GRIN2A: variants seen among roughly 807,000 people sequenced by gnomAD.
GRIN2A encodes glutamate ionotropic receptor NMDA type subunit 2A.
A neutral mutation model predicts 113.4 loss-of-function variants in GRIN2A; 22 were observed. That is an observed-to-expected ratio of 0.19 (90% CI 0.14 to 0.28). The LOEUF (loss-of-function observed/expected upper bound fraction) is 0.28, where lower values mean the gene tolerates loss of function less well. Ranked by LOEUF, GRIN2A falls within the 10% of genes least tolerant of loss-of-function variation. The probability of loss-of-function intolerance (pLI) is 1.00; values close to 1 mark genes in which losing one functional copy is unlikely to be tolerated. For synonymous variants in GRIN2A, 827 were observed against 738.4 expected (o/e 1.12, Z -1.94); for missense variants, 1,502 against 1,887.0 (o/e 0.80, Z 3.78).
At chr16:9,843,064 G>A (rs1211555661) in intron 5 of GRIN2A, among the ~76,000 whole-genome samples, 1 of 151,254 alleles carries the variant, frequency 6.6e-6, no homozygotes, top group Non-Finnish European at 1.5e-5. Flanking sequence ...GAGAGAAAGA[G>A]AGGGAGGGAG....
Position 9,757,151 on chromosome 16 carries a change from G to T in GRIN2A, c.*5998C>A, listed in dbSNP as rs140594129. 1.1e-4 allele frequency: 25 copies of T among 218,176 alleles called. No individual in the cohort carries two copies. The highest frequency in any genetic ancestry group is 4.9e-4 in the African/African-American group (22 of 44,628). The allele number at this position is 218,176 out of a possible 1,614,324, so 13.5% of individuals were successfully genotyped here. A position where few individuals can be genotyped will look rare whatever the true frequency, so the allele number is the denominator to read the frequency against. On this transcript the variant is annotated 3_prime_UTR_variant, in exon 13 of 13. Transcript: ENST00000330684. ...GGCACATGTCATAATGCAAGGCTGG[G>T]AGGAGGCATGATTTGGCAAGGACTG... is the stretch of plus-strand genomic sequence containing the variant.
chr16:10,142,112 C>T (rs1009052382), intron 2 of GRIN2A, among the ~76,000 whole-genome samples: 2 of 152,148 alleles, frequency 1.3e-5, no homozygotes, highest in African/African-American at 2.4e-5. Context: ...TCCCAAAGCG[C>T]CCATGTCCTA....
intron 4 of GRIN2A, among the ~76,000 whole-genome samples, chr16:9,877,591 G>C (rs891237335): frequency 6.7e-6 from 1 of 149,998 alleles, no homozygotes; most frequent in Admixed American, 6.6e-5. Flanking sequence ...TCTCTCTCTC[G>C]TCTCCTCTTC....
chr16:9,840,632 A>G lies in GRIN2A; in HGVS notation c.1651+15T>C, dbSNP rs374017399. 1 of 1,610,702 alleles carries G rather than the reference A, an allele frequency of 6.2e-7. No homozygotes were observed. The highest frequency in any genetic ancestry group is 8.5e-7 in the Non-Finnish European group (1 of 1,176,994). ...TCCTTATAGGAAAGCAATAGTCACT[A>G]TGAAATTCACACACCTAGAAAAGCA... On this transcript the variant is annotated intron_variant, in intron 7 of 12. Coordinates refer to ENST00000330684, the MANE Select transcript of GRIN2A (RefSeq NM_001134407.3).
chr16:10,178,607 C>A (rs558983378), intron 2 of GRIN2A, among the ~76,000 whole-genome samples: 17 of 152,326 alleles, frequency 1.1e-4, no homozygotes, highest in African/African-American at 4.1e-4. Context: ...TGCTCAGCTA[C>A]ACACAGGAAT....
At position 9,760,140 on chromosome 16, in the gene GRIN2A, A is replaced by G; in HGVS notation, c.*3009T>C. 1 of 225,348 alleles carries G rather than the reference A, an allele frequency of 4.4e-6. No homozygotes were observed. The allele number at this position is 225,348 out of a possible 1,614,324, so 14.0% of individuals were successfully genotyped here. ...TCAGAAATTTGGGCTCCTTGACATC[A>G]ACAAATCTAAGAACTCAGAGCTGGG... is the stretch of plus-strand genomic sequence containing the variant. On this transcript the variant is annotated 3_prime_UTR_variant, in exon 13 of 13. Coordinates refer to ENST00000330684, the MANE Select transcript of GRIN2A (RefSeq NM_001134407.3).
chr16:10,100,939 C>G (rs1316842525), intron 2 of GRIN2A, among the ~76,000 whole-genome samples: 1 of 152,194 alleles, frequency 6.6e-6, no homozygotes, highest in Admixed American at 6.5e-5. Context: ...CACTTGGATC[C>G]GATCTGCCTT....
intron 3 of GRIN2A, among the ~76,000 whole-genome samples, chr16:9,921,822 G>A (rs1363429616): frequency 3.3e-5 from 5 of 152,144 alleles, no homozygotes; most frequent in African/African-American, 1.2e-4. Flanking sequence ...CTAGGTGTGG[G>A]AGAAAGAAAA....
chr16:9,945,958 C>T (rs1325803932), intron 2 of GRIN2A, among the ~76,000 whole-genome samples: 1 of 152,128 alleles, frequency 6.6e-6, no homozygotes, highest in African/African-American at 2.4e-5. Flanking sequence ...GCCAAGTTTC[C>T]CACTATCAAG....
chr16:10,170,888 A>T (rs1460612526), intron 2 of GRIN2A, among the ~76,000 whole-genome samples: 1 of 152,028 alleles, frequency 6.6e-6, no homozygotes, highest in Non-Finnish European at 1.5e-5. Context: ...TTTAAAAAAA[A>T]AAAAAAAAAA....
chr16:10,151,380 T>G (rs750733326), intron 2 of GRIN2A, among the ~76,000 whole-genome samples: 3 of 151,976 alleles, frequency 2.0e-5, no homozygotes, highest in Non-Finnish European at 4.4e-5. Flanking sequence ...GGTGGGGAGG[T>G]GCATTCTAGA....
intron 2 of GRIN2A, among the ~76,000 whole-genome samples, chr16:10,157,724 C>G (rs2049728424): frequency 6.6e-6 from 1 of 152,170 alleles, no homozygotes; most frequent in Non-Finnish European, 1.5e-5. Context: ...AATCACTTCC[C>G]TTCTTCAACA....
intron 2 of GRIN2A, among the ~76,000 whole-genome samples, chr16:10,074,393 G>A (rs750802416): frequency 2.0e-5 from 3 of 152,198 alleles, no homozygotes; most frequent in Non-Finnish European, 4.4e-5. Context: ...ATACCCAAGA[G>A]AACTGAAAAC....
At chr16:10,001,660 A>T (rs934615336) in intron 2 of GRIN2A, among the ~76,000 whole-genome samples, 9 of 152,156 alleles carry the variant, frequency 5.9e-5, no homozygotes, top group African/African-American at 1.9e-4. Context: ...CTTAACTATG[A>T]TTCATGCTAA....
intron 2 of GRIN2A, among the ~76,000 whole-genome samples, chr16:10,028,468 G>T (rs557105863): frequency 6.6e-6 from 1 of 152,206 alleles, no homozygotes; most frequent in Non-Finnish European, 1.5e-5. Flanking sequence ...TCATCCAACA[G>T]GATGTGGGCC....
At chr16:10,047,461 T>C (rs2047281590) in intron 2 of GRIN2A, among the ~76,000 whole-genome samples, 1 of 152,244 alleles carries the variant, frequency 6.6e-6, no homozygotes, top group Admixed American at 6.5e-5. Flanking sequence ...ACTATTGTGT[T>C]CTTGGTTTAA....
At chr16:9,865,252 A>C (rs897703182) in intron 4 of GRIN2A, among the ~76,000 whole-genome samples, 3 of 152,156 alleles carry the variant, frequency 2.0e-5, no homozygotes, top group African/African-American at 7.2e-5. Flanking sequence ...GATGGGATGG[A>C]TAAGACTTGC....
intron 7 of GRIN2A, among the ~76,000 whole-genome samples, chr16:9,838,783 G>C (rs2042624131): frequency 6.6e-6 from 1 of 152,128 alleles, no homozygotes; most frequent in Non-Finnish European, 1.5e-5. Context: ...TGAAAGATGT[G>C]AACTGGGGGA....
intron 3 of GRIN2A, among the ~76,000 whole-genome samples, chr16:9,937,198 T>C (rs2044733310): frequency 6.6e-6 from 1 of 151,858 alleles, no homozygotes; most frequent in African/African-American, 2.4e-5. Context: ...ACTTATCCCA[T>C]AAATAAACAC....
Sources: allele counts gnomAD v4.1 joint callset (sites outside exome capture counted in the v4.1 genomes callset), GRCh38; gene constraint gnomAD v4.1.1; transcripts MANE v1.5; gene names NCBI Gene and HGNC (gene_info 2026-07-23, HGNC 2026-07-21).